Variants in HMCN1 observed in about 807,000 individuals in gnomAD.
The protein encoded by HMCN1 is hemicentin-1.
In HMCN1, 321 loss-of-function variants were observed where a neutral mutation model predicts 625.9. The observed-to-expected ratio is 0.51, with a 90% confidence interval of 0.47 to 0.56. HMCN1 has a LOEUF of 0.56. Among genes scored for constraint, HMCN1 ranks in the 20% least tolerant of loss-of-function variants. The probability of loss-of-function intolerance (pLI) is 0.00; values close to 1 mark genes in which losing one functional copy is unlikely to be tolerated. For missense variants in HMCN1, 6,588 were observed against 6,887.3 expected, an observed-to-expected ratio of 0.96 and a Z score of 1.54; for synonymous variants, 2,425 against 2,417.6, an observed-to-expected ratio of 1.00 and a Z score of -0.09.
rs556793629 is a variant in HMCN1, at chr1:186,011,287, C to T, written c.4631-3872C>T. Among the ~76,000 whole-genome samples, 112 of 152,230 alleles carry T rather than the reference C, an allele frequency of 7.4e-4. 1 individual carries two copies. Among genetic ancestry groups the T allele is most frequent in the Admixed American group, 6.5e-4 (10 of 15,294 alleles). ...GTCTCGAACTCCTGACCTCGTGATC[C>T]GCCCACCTCAGCCTGCCAAGTGCTG... On this transcript the variant is annotated intron_variant, in intron 30 of 106. Coordinates refer to ENST00000271588, the MANE Select transcript of HMCN1 (RefSeq NM_031935.3).
At chr1:186,112,490 A>G (rs1660935438) in intron 71 of HMCN1, among the ~76,000 whole-genome samples, 1 of 152,178 alleles carries the variant, frequency 6.6e-6, no homozygotes, top group South Asian at 2.1e-4. Flanking sequence ...GATTCTAGGA[A>G]AAAGGGCACA....
chr1:185,895,213 T>C (rs1665417210), intron 4 of HMCN1, among the ~76,000 whole-genome samples: 1 of 152,252 alleles, frequency 6.6e-6, no homozygotes, highest in African/African-American at 2.4e-5. Context: ...TGTAAATATA[T>C]GTTGCAAGTA....
intron 75 of HMCN1, among the ~76,000 whole-genome samples, chr1:186,116,460 A>G (rs1661138876): frequency 6.6e-6 from 1 of 152,016 alleles, no homozygotes; most frequent in Admixed American, 6.6e-5. Context: ...AGATATTGCC[A>G]TATTATCTAC....
intron 92 of HMCN1, 67 bp from the exon 93 acceptor site, chr1:186,145,686 C>G: frequency 6.2e-7 from 1 of 1,612,196 alleles, no homozygotes; most frequent in Non-Finnish European, 8.5e-7. Context: ...CAGGGGCACC[C>G]CAAGTATAGA....
intron 63 of HMCN1, among the ~76,000 whole-genome samples, chr1:186,089,897 C>T (rs1659742916): frequency 6.6e-6 from 1 of 151,820 alleles, no homozygotes; most frequent in Non-Finnish European, 1.5e-5. Flanking sequence ...CAGTGATGTG[C>T]TGGTAAATGT....
intron 11 of HMCN1, among the ~76,000 whole-genome samples, chr1:185,940,255 T>C (rs1052611725): frequency 1.3e-5 from 2 of 152,220 alleles, no homozygotes; most frequent in Non-Finnish European, 2.9e-5. Flanking sequence ...TAACACTTTA[T>C]GTAAACATAA....
Position 186,126,307 on chromosome 1 carries a change from G to T in HMCN1, c.12690+513G>T, listed in dbSNP as rs977289039. On this transcript the variant is annotated intron_variant, in intron 82 of 106. Transcript: ENST00000271588. ...TTCAAATATTCAACAAATATTTATT[G>T]AACACCTTCTCTGCAACTAGCACTG... 2.0e-5 allele frequency among the ~76,000 whole-genome samples: 3 copies of T among 151,986 alleles called. No homozygotes were observed. The East Asian group carries it at 5.8e-4, about 29-fold the overall frequency.
rs1446297783 is a variant in HMCN1 at position 186,145,585 on chromosome 1, G to T, written c.14437+12G>T. On this transcript the variant is annotated intron_variant, in intron 92 of 106. Coordinates refer to ENST00000271588, the MANE Select transcript of HMCN1 (RefSeq NM_031935.3). Reference sequence around the variant, plus strand: ...TGACATGTGTCCTGGTGAGCCTCTTGATTTCTGGCAGTTGAATAAGTAAAG... The same window carrying T: ...TGACATGTGTCCTGGTGAGCCTCTTTATTTCTGGCAGTTGAATAAGTAAAG... 3.7e-6 allele frequency: 6 copies of T among 1,613,582 alleles called. No individual in the cohort carries two copies. Among genetic ancestry groups the T allele is most frequent in the Non-Finnish European group, 5.1e-6 (6 of 1,179,726 alleles).
intron 43 of HMCN1, 133 bp from the exon 44 acceptor site, chr1:186,053,692 T>A (rs1249393704): frequency 1.2e-6 from 1 of 850,040 alleles, no homozygotes; most frequent in Non-Finnish European, 1.9e-6. Context: ...TTTTACACAC[T>A]AGGGCAGGAT....
intron 103 of HMCN1, among the ~76,000 whole-genome samples, chr1:186,176,599 TGGA>T (rs1156380238): frequency 6.6e-6 from 1 of 152,366 alleles, no homozygotes; most frequent in Non-Finnish European, 1.5e-5. Flanking sequence ...TACTTTGTGT[TGGA>T]TGATGTTCTA....
chr1:186,010,713 A>C (rs1035563571), intron 30 of HMCN1, among the ~76,000 whole-genome samples: 8 of 152,212 alleles, frequency 5.3e-5, no homozygotes, highest in African/African-American at 1.9e-4. Context: ...AGGATTTCAA[A>C]ATAGTAGCTT....
At chr1:185,840,840 AGTT>A (rs1465270475) in intron 1 of HMCN1, among the ~76,000 whole-genome samples, 1 of 152,198 alleles carries the variant, frequency 6.6e-6, no homozygotes, top group African/African-American at 2.4e-5. Context: ...ATCAATATAA[AGTT>A]AAGAACAATA....
At chr1:185,913,809 C>A (rs938380640) in intron 6 of HMCN1, among the ~76,000 whole-genome samples, 1 of 152,122 alleles carries the variant, frequency 6.6e-6, no homozygotes, top group Non-Finnish European at 1.5e-5. Context: ...ACTGACTGCT[C>A]TTGGCCATGT....
intron 10 of HMCN1, among the ~76,000 whole-genome samples, chr1:185,930,326 T>C (rs1667480126): frequency 6.6e-6 from 1 of 152,116 alleles, no homozygotes; most frequent in Non-Finnish European, 1.5e-5. Context: ...GAGGACATTT[T>C]TTTTCTGGGT....
intron 45 of HMCN1, among the ~76,000 whole-genome samples, chr1:186,057,012 A>G (rs1000572826): frequency 6.8e-6 from 1 of 147,922 alleles, no homozygotes; most frequent in Admixed American, 6.9e-5. Flanking sequence ...AAGAAGTGAC[A>G]TTTTTACTTC....
intron 68 of HMCN1, among the ~76,000 whole-genome samples, chr1:186,103,069 G>A (rs1416324362): frequency 6.6e-6 from 1 of 151,896 alleles, no homozygotes; most frequent in East Asian, 1.9e-4. Context: ...CAGTATTCAC[G>A]CATTGTTTTT....
In HMCN1 at chr1:186,093,079, T is replaced by G; in HGVS notation, c.9888-55T>G. 4 of 1,609,898 alleles carry G rather than the reference T, an allele frequency of 2.5e-6. No homozygotes were observed. The South Asian group carries it at 4.4e-5, about 18-fold the overall frequency. ...CTGATTTTAATAGGCTTTCATGTAC[T>G]TAGTGAAATAGATTCAATCTCATCT... On this transcript the variant is annotated intron_variant, in intron 64 of 106. Transcript: ENST00000271588.
Position 185,982,197 on chromosome 1 carries a change from G to A in HMCN1, c.2663-65G>A, listed in dbSNP as rs957357574. On this transcript the variant is annotated intron_variant, in intron 17 of 106. Coordinates refer to ENST00000271588, the MANE Select transcript of HMCN1 (RefSeq NM_031935.3). ...ATAACTAACAGTCTTTGGGGCCTGTGAAGTGGCTTACCTTTCTTTTGGGTG... is the reference window on the plus strand; with the variant it reads ...ATAACTAACAGTCTTTGGGGCCTGTAAAGTGGCTTACCTTTCTTTTGGGTG... 3.3e-6 allele frequency: 5 copies of A among 1,534,052 alleles called. No individual in the cohort carries two copies. The East Asian group carries it at 9.0e-5, about 28-fold the overall frequency.
Position 186,166,873 on chromosome 1 carries a change from G to C in HMCN1, c.15505G>C (p.Gly5169Arg), listed in dbSNP as rs750614060. 9.3e-6 allele frequency: 15 copies of C among 1,614,008 alleles called. No individual in the cohort carries two copies. The Admixed American group carries it at 2.3e-4, about 25-fold the overall frequency. The change falls in exon 100 of 107, where the codon GGA (glycine) becomes CGA (arginine). Residue 5169 changes from glycine (G) to arginine (R), a missense_variant. Gly to Arg is a moderately radical substitution (Grantham distance 125). Around this residue, in one of 3 missense-constraint regions of HMCN1, gnomAD observed 1,954 missense variants for 2,013.1 expected, o/e 0.97. Coordinates refer to ENST00000271588, the MANE Select transcript of HMCN1 (RefSeq NM_031935.3). ...HAGQDCDNTI[G>R]SYRCVVRCGS... ...TGGTCAGGACTGTGACAATACGATT[G>C]GATCTTATCGCTGTGTGGTCCGTTG...
Sources: allele counts gnomAD v4.1 joint callset (sites outside exome capture counted in the v4.1 genomes callset), GRCh38; gene constraint gnomAD v4.1.1; regional missense constraint gnomAD v4.1.1; transcripts MANE v1.5; gene names NCBI Gene and HGNC (gene_info 2026-07-23, HGNC 2026-07-21).